Variants in PAK1 observed in about 807,000 individuals in gnomAD.
PAK1 encodes serine/threonine-protein kinase PAK 1.
A neutral mutation model predicts 67.4 loss-of-function variants in PAK1; 29 were observed. The ratio of observed to expected loss-of-function variants is 0.43; its 90% CI spans 0.32 to 0.59. PAK1 has a LOEUF of 0.59. PAK1 is among the 20% of genes least tolerant of loss of function. PAK1 has a pLI of 0.07. For synonymous variants in PAK1, 223 were observed against 237.4 expected (o/e 0.94, Z 0.56); for missense variants, 337 against 670.7 (o/e 0.50, Z 5.50).
chr11:77,379,173 C>T, intron 4 of PAK1, 68 bp downstream of exon 4: 6 of 1,281,876 alleles, frequency 4.7e-6, no homozygotes, highest in Non-Finnish European at 6.4e-6. Context: ...GACTAATAGG[C>T]ATGTGAGCTT....
chr11:77,489,843 G>T, the PAK1 span, among the ~76,000 whole-genome samples: 1 of 152,124 alleles, frequency 6.6e-6, no homozygotes, highest in Non-Finnish European at 1.5e-5. Flanking sequence ...CCAAAGTGCC[G>T]AGATTGCAGC....
chr11:77,325,400 A>G lies in PAK1; in HGVS notation c.1552-2040T>C, dbSNP rs142003463. 2.5e-6 allele frequency: 4 copies of G among 1,611,220 alleles called. No homozygotes were observed. The African/African-American group carries it at 5.3e-5, about 22-fold the overall frequency. ...ACCTGTAAAAATGAGAATAGAACCTATGACTCACAGAGTTGTTGTAAAGGA... is the reference window on the plus strand; with the variant it reads ...ACCTGTAAAAATGAGAATAGAACCTGTGACTCACAGAGTTGTTGTAAAGGA... On this transcript the variant is annotated intron_variant, in intron 14 of 14. Transcript: ENST00000356341.
At chr11:77,521,585 C>T in the PAK1 span, among the ~76,000 whole-genome samples, 62 of 151,858 alleles carry the variant, frequency 4.1e-4, no homozygotes, top group African/African-American at 1.3e-3. Context: ...TATCATAAAC[C>T]GAATGTTAAG....
At chr11:77,458,774 G>A (rs770111357) in intron 1 of PAK1, among the ~76,000 whole-genome samples, 4 of 152,266 alleles carry the variant, frequency 2.6e-5, no homozygotes, top group Middle Eastern at 3.4e-3. Context: ...AGAGTACTAC[G>A]AAAATTCAAG....
intron 8 of PAK1, among the ~76,000 whole-genome samples, chr11:77,352,945 T>C (rs1253659971): frequency 6.6e-6 from 1 of 151,982 alleles, no homozygotes; most frequent in African/African-American, 2.4e-5. Context: ...AGGCAACATA[T>C]GACTATACAA....
At chr11:77,384,638 A>C (rs1009974969) in intron 2 of PAK1, among the ~76,000 whole-genome samples, 7 of 152,230 alleles carry the variant, frequency 4.6e-5, no homozygotes, top group African/African-American at 1.7e-4. Flanking sequence ...TAAGTGAAAG[A>C]AGCCAGTCAC....
the PAK1 span, among the ~76,000 whole-genome samples, chr11:77,513,389 C>G: frequency 1.3e-5 from 2 of 152,058 alleles, no homozygotes; most frequent in African/African-American, 4.8e-5. Context: ...GTCTTTCTGG[C>G]CAGGCATGGT....
intron 6 of PAK1, among the ~76,000 whole-genome samples, chr11:77,358,234 G>A (rs918239155): frequency 2.6e-5 from 4 of 151,644 alleles, no homozygotes; most frequent in Non-Finnish European, 2.9e-5. Context: ...CCTAAACAAA[G>A]AAACACTAGT....
chr11:77,467,438 C>T (rs778187004), intron 1 of PAK1, among the ~76,000 whole-genome samples: 14 of 152,160 alleles, frequency 9.2e-5, no homozygotes, highest in Admixed American at 2.0e-4. Context: ...TATGACAATG[C>T]CTGATGCATA....
chr11:77,365,251 CAAAAAA>C (rs1364090865), intron 5 of PAK1, among the ~76,000 whole-genome samples: 1 of 45,528 alleles, frequency 2.2e-5, no homozygotes, highest in Non-Finnish European at 3.6e-5. Flanking sequence ...GACTCTGTCT[CAAAAAA>C]AAAAAAAAAA....
chr11:77,341,027 G>A (rs1943518023), intron 10 of PAK1, among the ~76,000 whole-genome samples: 1 of 152,130 alleles, frequency 6.6e-6, no homozygotes, highest in Non-Finnish European at 1.5e-5. Context: ...AGCTTGAAGT[G>A]ATACAATAAA....
chr11:77,405,666 G>GACAC (rs1186212637), intron 1 of PAK1, among the ~76,000 whole-genome samples: 1 of 117,382 alleles, frequency 8.5e-6, no homozygotes, highest in African/African-American at 4.2e-5. Flanking sequence ...CAGACAGACA[G>GACAC]ACAGACAGAC....
At chr11:77,450,454 G>C (rs1274013459) in intron 1 of PAK1, among the ~76,000 whole-genome samples, 1 of 152,168 alleles carries the variant, frequency 6.6e-6, no homozygotes, top group Non-Finnish European at 1.5e-5. Flanking sequence ...AGGCAGCAGA[G>C]CAAGGCCTAA....
At chr11:77,352,844 A>C (rs1945461468) in intron 8 of PAK1, among the ~76,000 whole-genome samples, 1 of 152,174 alleles carries the variant, frequency 6.6e-6, no homozygotes, top group African/African-American at 2.4e-5. Context: ...GGTGTGTAGT[A>C]GGCTATACTA....
At chr11:77,337,192 C>T in intron 12 of PAK1, 132 bp downstream of exon 12, 1 of 499,002 alleles carries the variant, frequency 2.0e-6, no homozygotes, top group Non-Finnish European at 3.6e-6. Flanking sequence ...AAATATAAAA[C>T]AGCCCTCATA....
chr11:77,467,048 C>T (rs1281438697), intron 1 of PAK1, among the ~76,000 whole-genome samples: 1 of 152,188 alleles, frequency 6.6e-6, no homozygotes, highest in Non-Finnish European at 1.5e-5. Flanking sequence ...CCACTTTACA[C>T]CCTATCTTCT....
chr11:77,514,887 C>T, the PAK1 span: 1 of 127,024 alleles, frequency 7.9e-6, no homozygotes, highest in Non-Finnish European at 1.7e-5. Flanking sequence ...AAGCAACTCA[C>T]CACTAATGAG....
chr11:77,384,110 C>T (rs958577187), intron 2 of PAK1, among the ~76,000 whole-genome samples: 7 of 152,070 alleles, frequency 4.6e-5, no homozygotes, highest in South Asian at 2.1e-4. Flanking sequence ...TTAGCCAGAC[C>T]GAGATGGGAA....
At chr11:77,488,433 C>T in the PAK1 span, among the ~76,000 whole-genome samples, 1,322 of 152,150 alleles carry the variant, frequency 8.7e-3, 22 homozygotes, top group African/African-American at 0.03. Context: ...CATGAGATCA[C>T]CAAATGAACT....
Sources: gnomAD v4.1 joint callset for allele counts (sites outside exome capture counted in the v4.1 genomes callset) on GRCh38, gnomAD v4.1.1 for gene constraint, MANE v1.5 for transcripts, NCBI Gene and HGNC (gene_info 2026-07-23, HGNC 2026-07-21) for gene names.